P2RX5: variants seen among roughly 807,000 people sequenced by gnomAD.
The protein encoded by P2RX5 is purinergic receptor P2X 5, also known as P2X purinoceptor 5.
Under a neutral mutation model 54.1 loss-of-function variants are expected in P2RX5, and 46 were observed. The observed-to-expected ratio is 0.85, with a 90% CI of 0.67 to 1.09. P2RX5 has a LOEUF of 1.09. Ranked by LOEUF, P2RX5 falls within the 50% of genes least tolerant of loss-of-function variation. P2RX5 has a pLI of 0.00. For synonymous variants in P2RX5, 226 were observed against 226.4 expected (o/e 1.00, Z 0.02); for missense variants, 566 against 549.8 (o/e 1.03, Z -0.29).
At chr17:3,702,196 A>G in the P2RX5 span, among the ~76,000 whole-genome samples, 2 of 152,064 alleles carry the variant, frequency 1.3e-5, no homozygotes, top group Non-Finnish European at 2.9e-5. Context: ...TTGTAAATGC[A>G]CCAATCAGCA....
the P2RX5 span, among the ~76,000 whole-genome samples, chr17:3,709,600 C>T: frequency 6.6e-6 from 1 of 152,126 alleles, no homozygotes. Context: ...AGACCCCAGT[C>T]TCCAAAAGTA....
the P2RX5 span, among the ~76,000 whole-genome samples, chr17:3,710,580 C>T: frequency 6.6e-6 from 1 of 151,762 alleles, no homozygotes; most frequent in Admixed American, 6.6e-5. Flanking sequence ...AAAAACCCCT[C>T]CTTGTAAATG....
At chr17:3,682,104 G>C (rs1469252658) in intron 9 of P2RX5, 126 bp from the exon 10 acceptor site, 1 of 718,260 alleles carries the variant, frequency 1.4e-6, no homozygotes, top group Non-Finnish European at 2.5e-6. Flanking sequence ...TTTAACAGAT[G>C]AGGAAACTGG....
chr17:3,695,749 C>G (rs955353146), intron 1 of P2RX5, 120 bp downstream of exon 1: 1 of 1,246,412 alleles, frequency 8.0e-7, no homozygotes, highest in Non-Finnish European at 1.2e-6. Context: ...GCTCACAGAC[C>G]CCCAGCTACC....
At chr17:3,718,907 T>C in the P2RX5 span, among the ~76,000 whole-genome samples, 18 of 152,294 alleles carry the variant, frequency 1.2e-4, 4 homozygotes, top group East Asian at 3.9e-4. Context: ...GTTTTCTGTA[T>C]TTTCCATTTC....
chr17:3,709,912 A>C, the P2RX5 span, among the ~76,000 whole-genome samples: 3 of 150,020 alleles, frequency 2.0e-5, no homozygotes, highest in African/African-American at 2.5e-5. Flanking sequence ...CTGTCTCAAA[A>C]AACAAACAAA....
chr17:3,689,962 GCA>G (rs897504997), intron 6 of P2RX5, 106 bp downstream of exon 6: 39 of 993,272 alleles, frequency 3.9e-5, no homozygotes, highest in Non-Finnish European at 5.4e-5. Context: ...GCACACACGT[GCA>G]CACACGCGCG....
chr17:3,691,130 T>C, intron 2 of P2RX5, 103 bp from the exon 3 acceptor site: 1 of 810,326 alleles, frequency 1.2e-6, no homozygotes, highest in South Asian at 1.4e-5. Flanking sequence ...GCCTGGGTTT[T>C]GGGGATAATG....
chr17:3,688,256 C>T, intron 8 of P2RX5, 151 bp from the exon 9 acceptor site: 1 of 669,874 alleles, frequency 1.5e-6, no homozygotes. Flanking sequence ...TCTCACTGAG[C>T]CAAAAACAAA....
chr17:3,693,833 T>C (rs1013385533), intron 1 of P2RX5, among the ~76,000 whole-genome samples: 1 of 151,788 alleles, frequency 6.6e-6, no homozygotes, highest in Non-Finnish European at 1.5e-5. Context: ...TCTTCTTCTT[T>C]TTTTTTTTTT....
At chr17:3,681,242 C>G (rs1181684769) in intron 10 of P2RX5, among the ~76,000 whole-genome samples, 3 of 152,322 alleles carry the variant, frequency 2.0e-5, no homozygotes, top group East Asian at 1.9e-4. Context: ...CCTGCACCCA[C>G]TGTCCCAGGC....
chr17:3,703,701 G>A, the P2RX5 span, among the ~76,000 whole-genome samples: 1 of 152,080 alleles, frequency 6.6e-6, no homozygotes, highest in Non-Finnish European at 1.5e-5. Flanking sequence ...TTCCCCTCCA[G>A]CTCTGGTGAG....
the P2RX5 span, among the ~76,000 whole-genome samples, chr17:3,710,166 C>G: frequency 6.6e-6 from 1 of 151,954 alleles, no homozygotes. Context: ...GCGGCTCACG[C>G]CTGGAATCCC....
intron 11 of P2RX5, chr17:3,675,846 C>T: frequency 1.0e-6 from 1 of 985,212 alleles, no homozygotes; most frequent in Non-Finnish European, 1.2e-6. Context: ...CCACTGCGCC[C>T]AGCCTGGATC....
the P2RX5 span, among the ~76,000 whole-genome samples, chr17:3,719,072 A>C: frequency 8.4e-6 from 1 of 119,742 alleles, no homozygotes; most frequent in East Asian, 1.9e-4. Flanking sequence ...TCTCTATTTA[A>C]AAAAAATAAA....
chr17:3,678,216 G>T, intron 11 of P2RX5: 1 of 419,162 alleles, frequency 2.4e-6, no homozygotes, highest in Non-Finnish European at 3.2e-6. Flanking sequence ...ACCAGAGGCA[G>T]CAACGCTCCT....
chr17:3,696,815 A>T (rs1231298154), upstream of P2RX5, among the ~76,000 whole-genome samples: 1 of 152,132 alleles, frequency 6.6e-6, no homozygotes, highest in Non-Finnish European at 1.5e-5. Flanking sequence ...TATTGAATAG[A>T]TGGGGAACTG....
chr17:3,716,730 A>T, the P2RX5 span: 1 of 1,611,956 alleles, frequency 6.2e-7, no homozygotes, highest in Non-Finnish European at 8.5e-7. Context: ...CCAGAAGTCC[A>T]CCAACGCTGC....
chr17:3,673,815 T>A lies in P2RX5; in HGVS notation c.*53A>T. On this transcript the variant is annotated 3_prime_UTR_variant, in exon 12 of 12. Transcript: ENST00000225328. ...GGGATTCCCAAAGGCATGGGATCAC[T>A]GGGTGCTAGACGGCTGGGTTTAGGA... 1 of 1,612,504 alleles carries A rather than the reference T, an allele frequency of 6.2e-7. No individual in the cohort carries two copies. The highest frequency in any genetic ancestry group is 8.5e-7 in the Non-Finnish European group (1 of 1,179,986).
Sources: gnomAD v4.1 joint callset for allele counts (sites outside exome capture counted in the v4.1 genomes callset) on GRCh38, gnomAD v4.1.1 for gene constraint, MANE v1.5 for transcripts, NCBI Gene and HGNC (gene_info 2026-07-23, HGNC 2026-07-21) for gene names.